Variants in CLVS2 observed in about 807,000 individuals in gnomAD.
The protein encoded by CLVS2 is clavesin-2.
Under a neutral mutation model 29.0 loss-of-function variants are expected in CLVS2, and 19 were observed. The ratio of observed to expected loss-of-function variants is 0.66; its 90% CI spans 0.46 to 0.96. The LOEUF is 0.96. CLVS2 is among the 40% of genes least tolerant of loss of function. The probability of loss-of-function intolerance (pLI) is 0.00; values close to 1 mark genes in which losing one functional copy is unlikely to be tolerated. For missense variants in CLVS2, 294 were observed against 404.1 expected (o/e 0.73, Z 2.34); for synonymous variants, 161 against 151.3 (o/e 1.06, Z -0.47).
At chr6:123,052,800 A>G (rs7740685) in intron 4 of CLVS2, among the ~76,000 whole-genome samples, 12,252 of 136,086 alleles carry the variant, frequency 0.09, 1,539 homozygotes, top group African/African-American at 0.22. Context: ...GAAGATTATG[A>G]GTCCAATTTT....
chr6:123,023,030 C>G (rs1582650702), intron 3 of CLVS2, among the ~76,000 whole-genome samples: 1 of 152,024 alleles, frequency 6.6e-6, no homozygotes, highest in Admixed American at 6.6e-5. Context: ...TGAAAACACT[C>G]TTATGTAAAT....
chr6:123,021,929 G>T (rs1366411681), intron 3 of CLVS2, among the ~76,000 whole-genome samples: 4 of 151,910 alleles, frequency 2.6e-5, no homozygotes, highest in African/African-American at 9.7e-5. Context: ...CTGGTTCTTT[G>T]GTTAGTGAGA....
In CLVS2 at chr6:123,067,937, G is replaced by C. The variant is rs546665188; in HGVS notation, c.*4176G>C. 407 of 151,576 alleles carry C rather than the reference G, an allele frequency of 2.7e-3. 2 individuals are homozygous for C. The highest frequency in any genetic ancestry group is 9.5e-3 in the African/African-American group (394 of 41,448). 9.4% of individuals were successfully genotyped at this position (151,576 alleles called of 1,614,324 possible). ...TGACATTATTTGCTACATGAAAAAA[G>C]GCAAATAAGTAAACATACAAAAGAA... is the stretch of plus-strand genomic sequence containing the variant. On this transcript the variant is annotated 3_prime_UTR_variant, in exon 6 of 6. Coordinates refer to ENST00000275162, the MANE Select transcript of CLVS2 (RefSeq NM_001010852.4).
intron 3 of CLVS2, among the ~76,000 whole-genome samples, chr6:123,020,845 C>T (rs1278201933): frequency 1.3e-5 from 2 of 152,000 alleles, no homozygotes; most frequent in Non-Finnish European, 2.9e-5. Context: ...TCTAGAAGCT[C>T]TTTATGTTAT....
chr6:123,057,956 A>G (rs986880666), intron 5 of CLVS2, among the ~76,000 whole-genome samples: 2 of 152,184 alleles, frequency 1.3e-5, no homozygotes, highest in Non-Finnish European at 2.9e-5. Flanking sequence ...TGAATGTACT[A>G]TATGTATATG....
At chr6:123,016,438 C>T (rs1774835463) in intron 3 of CLVS2, among the ~76,000 whole-genome samples, 1 of 151,652 alleles carries the variant, frequency 6.6e-6, no homozygotes, top group Non-Finnish European at 1.5e-5. Context: ...CAGAATCTCC[C>T]AATTTATAGA....
In CLVS2 at chr6:122,996,689, G is replaced by C. The variant is rs889620983; in HGVS notation, c.-617G>C. ...CCGCCGCCGCCGCTGCTGAAGCCGC[G>C]GCTGATGGATGCCAGGGAGTGCCGC... On this transcript the variant is annotated 5_prime_UTR_variant, in exon 1 of 6. Coordinates refer to ENST00000275162, the MANE Select transcript of CLVS2 (RefSeq NM_001010852.4). 2 of 167,232 alleles carry C rather than the reference G, an allele frequency of 1.2e-5. No homozygotes were observed. Among genetic ancestry groups the C allele is most frequent in the Non-Finnish European group, 2.9e-5 (2 of 70,012 alleles). 10.4% of individuals were successfully genotyped at this position (167,232 alleles called of 1,614,324 possible). A position where few individuals can be genotyped will look rare whatever the true frequency, so the allele number is the denominator to read the frequency against.
chr6:123,016,826 A>G (rs1774841588), intron 3 of CLVS2, among the ~76,000 whole-genome samples: 2 of 152,106 alleles, frequency 1.3e-5, no homozygotes, highest in Non-Finnish European at 2.9e-5. Flanking sequence ...AGCGGCCACC[A>G]ATCTGCTAGC....
In CLVS2 at chr6:122,997,898, A is replaced by G; in HGVS notation, c.121A>G (p.Arg41Gly). The part of the protein sequence containing the change: ...IQEVRDMVIT[R>G]PDIGFLRTDD... ...GGAGGTGAGGGATATGGTCATCACC[A>G]GGCCGGACATTGGCTTTCTGCGCAC... Residue 41 changes from arginine (R) to glycine (G), a missense_variant, in exon 2 of 6, where the codon AGG becomes GGG. This residue lies in a region of CLVS2 where 212 missense variants were observed against 336.4 expected (regional missense o/e 0.63). Coordinates refer to ENST00000275162, the MANE Select transcript of CLVS2 (RefSeq NM_001010852.4). 1 of 1,614,226 alleles carries G rather than the reference A, an allele frequency of 6.2e-7. No individual in the cohort carries two copies. Among genetic ancestry groups the G allele is most frequent in the Non-Finnish European group, 8.5e-7 (1 of 1,180,044 alleles).
chr6:123,005,811 T>C (rs1388282205), intron 2 of CLVS2, among the ~76,000 whole-genome samples: 1 of 152,126 alleles, frequency 6.6e-6, no homozygotes, highest in African/African-American at 2.4e-5. Flanking sequence ...AGGAGCATGT[T>C]TTGTATTGGG....
chr6:123,002,032 A>G (rs554326635), intron 2 of CLVS2, among the ~76,000 whole-genome samples: 72 of 152,228 alleles, frequency 4.7e-4, no homozygotes, highest in Non-Finnish European at 8.2e-4. Flanking sequence ...ACAGCAAACA[A>G]CCATTTATCT....
At chr6:123,052,651 A>C (rs912574523) in intron 4 of CLVS2, among the ~76,000 whole-genome samples, 3 of 152,198 alleles carry the variant, frequency 2.0e-5, no homozygotes, top group Non-Finnish European at 4.4e-5. Context: ...TTTTGAGGAT[A>C]GCACCAAAAA....
rs551681339 is a variant in CLVS2, at chr6:123,068,420, A to T, written c.*4659A>T. Reference sequence around the variant, plus strand: ...TTATTTTACCTGGTGAACGAGATGGACTTAGGTGAAAATAAATTTTAACCA... The same window carrying T: ...TTATTTTACCTGGTGAACGAGATGGTCTTAGGTGAAAATAAATTTTAACCA... On this transcript the variant is annotated 3_prime_UTR_variant, in exon 6 of 6. Coordinates refer to ENST00000275162, the MANE Select transcript of CLVS2 (RefSeq NM_001010852.4). The T allele has an allele frequency of 6.6e-6, 1 of 151,734 alleles. No individual in the cohort carries two copies. Among genetic ancestry groups the T allele is most frequent in the Middle Eastern group, 3.4e-3 (1 of 294 alleles). The allele number at this position is 151,734 out of a possible 1,614,324, so 9.4% of individuals were successfully genotyped here.
At chr6:123,052,817 G>A (rs539557854) in intron 4 of CLVS2, among the ~76,000 whole-genome samples, 1 of 135,012 alleles carries the variant, frequency 7.4e-6, no homozygotes, top group East Asian at 2.0e-4. Context: ...TTTTGAACAC[G>A]TTAAATTTGC....
At chr6:123,002,641 G>T (rs1374393067) in intron 2 of CLVS2, among the ~76,000 whole-genome samples, 1 of 149,040 alleles carries the variant, frequency 6.7e-6, no homozygotes, top group African/African-American at 2.4e-5. Flanking sequence ...GATTAAAACA[G>T]TCCAGGGCAA....
intron 4 of CLVS2, among the ~76,000 whole-genome samples, chr6:123,049,815 G>C (rs1004889911): frequency 1.3e-5 from 2 of 150,458 alleles, no homozygotes; most frequent in African/African-American, 4.9e-5. Context: ...GGGGGGCGGG[G>C]AGGAATAGCA....
At chr6:123,025,152 AG>A (rs934557288) in intron 3 of CLVS2, among the ~76,000 whole-genome samples, 44 of 152,236 alleles carry the variant, frequency 2.9e-4, no homozygotes, top group African/African-American at 8.2e-4. Flanking sequence ...CACGAGAATA[AG>A]GGGGTTGCCC....
chr6:123,059,418 C>T (rs1248745599), intron 5 of CLVS2, among the ~76,000 whole-genome samples: 1 of 152,158 alleles, frequency 6.6e-6, no homozygotes, highest in Non-Finnish European at 1.5e-5. Flanking sequence ...TTCTCTGAAT[C>T]CCCAGTGCCT....
intron 3 of CLVS2, among the ~76,000 whole-genome samples, chr6:123,018,396 T>C (rs1482786740): frequency 6.6e-6 from 1 of 152,114 alleles, no homozygotes; most frequent in Non-Finnish European, 1.5e-5. Context: ...ATCGGTTTTT[T>C]CTGTAGATAC....
Sources: gnomAD v4.1 joint callset for allele counts (sites outside exome capture counted in the v4.1 genomes callset) on GRCh38, gnomAD v4.1.1 for gene constraint, gnomAD v4.1.1 regional missense constraint, MANE v1.5 for transcripts, NCBI Gene and HGNC (gene_info 2026-07-23, HGNC 2026-07-21) for gene names.